The following RAPGEF1 variants were observed in gnomAD, a reference collection of about 807,000 sequenced individuals.
The protein encoded by RAPGEF1 is Rap guanine nucleotide exchange factor 1, also known as CRK SH3-binding GNRP.
In RAPGEF1, 33 loss-of-function variants were observed where a neutral mutation model predicts 143.3. That is an observed-to-expected ratio of 0.23 (90% CI 0.17 to 0.31). The LOEUF (loss-of-function observed/expected upper bound fraction) is 0.31. Among genes scored for constraint, RAPGEF1 ranks in the 10% least tolerant of loss-of-function variants. The pLI is 1.00. For missense variants in RAPGEF1, 1,199 were observed against 1,645.4 expected, an observed-to-expected ratio of 0.73 and a Z score of 4.69; for synonymous variants, 629 against 676.5, an observed-to-expected ratio of 0.93 and a Z score of 1.09.
chr9:131,730,193 C>CAAAAAAAAAA (rs57402366), intron 1 of RAPGEF1, among the ~76,000 whole-genome samples: 1 of 67,000 alleles, frequency 1.5e-5, no homozygotes, highest in Admixed American at 2.0e-4. Context: ...GACTCCCTCT[C>CAAAAAAAAAA]AAAAAAAAAA....
chr9:131,680,460 A>G (rs1372498875), intron 1 of RAPGEF1, among the ~76,000 whole-genome samples: 1 of 152,250 alleles, frequency 6.6e-6, no homozygotes, highest in Non-Finnish European at 1.5e-5. Flanking sequence ...TGACATGTTC[A>G]TGATGGCCAT....
intron 3 of RAPGEF1, among the ~76,000 whole-genome samples, chr9:131,648,409 A>G (rs1312766920): frequency 6.6e-6 from 1 of 152,142 alleles, no homozygotes; most frequent in Non-Finnish European, 1.5e-5. Flanking sequence ...ACAAACAAAC[A>G]AAAAAACAAC....
intron 5 of RAPGEF1, among the ~76,000 whole-genome samples, chr9:131,633,829 C>T (rs951554839): frequency 1.3e-5 from 2 of 152,248 alleles, no homozygotes; most frequent in Non-Finnish European, 2.9e-5. Flanking sequence ...GTGCACATAT[C>T]TGGCTACTGT....
At chr9:131,612,501 C>T (rs894269530) in intron 12 of RAPGEF1, among the ~76,000 whole-genome samples, 1 of 152,226 alleles carries the variant, frequency 6.6e-6, no homozygotes, top group African/African-American at 2.4e-5. Context: ...AAGGCTGTGA[C>T]CAGTCCTGCT....
intron 1 of RAPGEF1, among the ~76,000 whole-genome samples, chr9:131,664,549 C>T (rs1830121328): frequency 1.4e-5 from 2 of 143,110 alleles, no homozygotes; most frequent in Admixed American, 1.4e-4. Flanking sequence ...TTTGCAGCTC[C>T]CTTCCACAAC....
At chr9:131,720,820 CCAAGA>C (rs990402575) in intron 1 of RAPGEF1, among the ~76,000 whole-genome samples, 61 of 152,270 alleles carry the variant, frequency 4.0e-4, no homozygotes, top group African/African-American at 1.2e-3. Flanking sequence ...TCCAAGTTAA[CCAAGA>C]CAAGTGTCCC....
intron 1 of RAPGEF1, among the ~76,000 whole-genome samples, chr9:131,669,996 C>G (rs1192608900): frequency 6.6e-6 from 1 of 152,148 alleles, no homozygotes; most frequent in African/African-American, 2.4e-5. Flanking sequence ...GTGCAGTGAG[C>G]ACCCAGCACC....
chr9:131,637,569 G>A (rs1966706310), intron 5 of RAPGEF1, among the ~76,000 whole-genome samples: 1 of 151,978 alleles, frequency 6.6e-6, no homozygotes, highest in South Asian at 2.1e-4. Context: ...TTTGACCTGG[G>A]GTAAACACCT....
intron 6 of RAPGEF1, 145 bp from the exon 7 acceptor site, chr9:131,629,399 T>TGG: frequency 1.2e-6 from 1 of 832,142 alleles, no homozygotes; most frequent in South Asian, 1.8e-5. Flanking sequence ...TATAGAACCC[T>TGG]GGGGTTCTGG....
chr9:131,683,973 A>G (rs932822236), intron 1 of RAPGEF1, among the ~76,000 whole-genome samples: 22 of 152,254 alleles, frequency 1.4e-4, no homozygotes, highest in Non-Finnish European at 1.5e-5. Flanking sequence ...AGGACCTTTG[A>G]CTGAAGGGAA....
intron 17 of RAPGEF1, among the ~76,000 whole-genome samples, chr9:131,595,284 A>G (rs999401566): frequency 3.3e-5 from 5 of 152,234 alleles, no homozygotes; most frequent in African/African-American, 1.2e-4. Flanking sequence ...GGGAGGGCGG[A>G]GCAGTGGCTG....
rs765064420 is a variant in RAPGEF1 at position 131,650,261 on chromosome 9, G to A, written c.202-19C>T. On this transcript the variant is annotated intron_variant, in intron 2 of 26. Coordinates refer to ENST00000683357, the MANE Select transcript of RAPGEF1 (RefSeq NM_001377935.1). This position sits in a 1 kb window ranked among gnomAD's most constrained non-coding sequence, Gnocchi z 4.7. ...TTGCCTCCTGGAAGAGAGGAAACCT[G>A]GATTCCTACAGAGTTTGAAATGGCT... 5.1e-6 allele frequency: 8 copies of A among 1,577,298 alleles called. No individual in the cohort carries two copies. Among genetic ancestry groups the A allele is most frequent in the Non-Finnish European group, 7.0e-6 (8 of 1,149,290 alleles).
In RAPGEF1 at chr9:131,584,300, A is replaced by AG. The variant is rs1952359328; in HGVS notation, c.3414+10dup. The AG allele has an allele frequency of 6.2e-7, 1 of 1,605,070 alleles. No homozygotes were observed. The highest frequency in any genetic ancestry group is 8.5e-7 in the Non-Finnish European group (1 of 1,175,632). On this transcript the variant is annotated intron_variant, in intron 24 of 26. Transcript: ENST00000683357. The surrounding 1 kb of genome is among the most constrained non-coding windows in gnomAD (Gnocchi z 6.8). ...CAGCCACCCTCCCGCCCACGCCCCAAGGCCACTCACCTCTGAAGTCTGCTT... is the reference window on the plus strand; with the variant it reads ...CAGCCACCCTCCCGCCCACGCCCCAAGGGCCACTCACCTCTGAAGTCTGCTT...
At chr9:131,652,835 T>C (rs1392729184) in intron 1 of RAPGEF1, among the ~76,000 whole-genome samples, 3 of 152,208 alleles carry the variant, frequency 2.0e-5, no homozygotes, top group South Asian at 2.1e-4. Context: ...ACCAGTAACA[T>C]AGTCATTTAT....
intron 6 of RAPGEF1, among the ~76,000 whole-genome samples, chr9:131,629,547 T>C (rs1053336092): frequency 2.0e-5 from 3 of 151,994 alleles, no homozygotes; most frequent in Non-Finnish European, 4.4e-5. Flanking sequence ...TCCCAGCACT[T>C]TGGGAGGTCA....
chr9:131,642,198 A>ATG (rs1170962108), intron 4 of RAPGEF1, among the ~76,000 whole-genome samples: 2 of 152,232 alleles, frequency 1.3e-5, no homozygotes, highest in African/African-American at 2.4e-5. Context: ...TAAGAGGAAA[A>ATG]TGTACTCCAG....
At chr9:131,731,410 A>G (rs149112719) in intron 1 of RAPGEF1, among the ~76,000 whole-genome samples, 121 of 152,358 alleles carry the variant, frequency 7.9e-4, no homozygotes, top group African/African-American at 2.9e-3. Flanking sequence ...TGTGATAACC[A>G]GCAAATAAAT....
At chr9:131,640,237 C>T (rs1967504060) in intron 4 of RAPGEF1, among the ~76,000 whole-genome samples, 1 of 152,230 alleles carries the variant, frequency 6.6e-6, no homozygotes, top group Non-Finnish European at 1.5e-5. Flanking sequence ...CCTCGCTCTG[C>T]TTCCTGGCAA....
At chr9:131,651,337 C>G (rs890839771) in intron 1 of RAPGEF1, among the ~76,000 whole-genome samples, 12 of 152,304 alleles carry the variant, frequency 7.9e-5, no homozygotes, top group Admixed American at 3.3e-4. Context: ...GCATCAACCT[C>G]TTCATTCTTT....
Sources: allele counts gnomAD v4.1 joint callset (sites outside exome capture counted in the v4.1 genomes callset), GRCh38; gene constraint gnomAD v4.1.1; non-coding constraint Gnocchi (gnomAD v3.1); transcripts MANE v1.5; gene names NCBI Gene and HGNC (gene_info 2026-07-23, HGNC 2026-07-21).